Variants in ACAP1 observed in about 807,000 individuals in gnomAD.
ACAP1 encodes arf-GAP with coiled-coil, ANK repeat and PH domain-containing protein 1.
A neutral mutation model predicts 98.8 loss-of-function variants in ACAP1; 45 were observed. The ratio of observed to expected loss-of-function variants is 0.46; its 90% CI spans 0.36 to 0.58. The LOEUF (loss-of-function observed/expected upper bound fraction) is 0.58, where lower values mean the gene tolerates loss of function less well. ACAP1 is among the 20% of genes least tolerant of loss of function. The pLI is 0.00. For synonymous variants in ACAP1, 362 were observed against 375.3 expected, an observed-to-expected ratio of 0.96 and a Z score of 0.41; for missense variants, 735 against 971.4, an observed-to-expected ratio of 0.76 and a Z score of 3.24.
intron 1 of ACAP1, 26 bp from the exon 2 acceptor site, chr17:7,337,286 T>A: frequency 1.2e-6 from 2 of 1,613,176 alleles, no homozygotes; most frequent in Non-Finnish European, 1.7e-6. Flanking sequence ...ACCCAAGCTC[T>A]CTTCCCATGA....
intron 2 of ACAP1, among the ~76,000 whole-genome samples, chr17:7,339,116 C>T (rs1411491809): frequency 6.6e-6 from 1 of 150,762 alleles, no homozygotes; most frequent in Non-Finnish European, 1.5e-5. Flanking sequence ...CTGTGAAACC[C>T]CGTCTCTACT....
At position 7,336,646 on chromosome 17, in the gene ACAP1, C is replaced by T. The variant is rs1278733433; in HGVS notation, c.-89C>T. 2 of 1,411,848 alleles carry T rather than the reference C, an allele frequency of 1.4e-6. No homozygotes were observed. The highest frequency in any genetic ancestry group is 2.0e-6 in the Non-Finnish European group (2 of 999,110). 87.5% of individuals were successfully genotyped at this position (1,411,848 alleles called of 1,614,324 possible). A position where few individuals can be genotyped will look rare whatever the true frequency, so the allele number is the denominator to read the frequency against. The stretch of plus-strand genomic sequence containing the variant: ...GGTCCCTCTCCTCCTTCCCCCTCAT[C>T]TCCCCTTCCTGGGACAGAAAGTGCC... On this transcript the variant is annotated 5_prime_UTR_variant, in exon 1 of 22. Transcript: ENST00000158762.
chr17:7,349,128 C>T lies in ACAP1; in HGVS notation c.1812C>T (p.Gly604=). 1 of 1,613,970 alleles carries T rather than the reference C, an allele frequency of 6.2e-7. No individual in the cohort carries two copies. The highest frequency in any genetic ancestry group is 2.2e-5 in the East Asian group (1 of 44,866). Residue 604 remains glycine (G), a synonymous_variant, in exon 18 of 22, where the codon GGC becomes GGT. Coordinates refer to ENST00000158762, the MANE Select transcript of ACAP1 (RefSeq NM_014716.4). ...CTGATGTCAACTGGGTCAATGGGGG[C>T]CAAGATAATGCCACACCGCTGATCC... is the stretch of plus-strand genomic sequence containing the variant. ...HGADVNWVNG[G]QDNATPLIQA...
chr17:7,346,777 C>A (rs1278345627), intron 12 of ACAP1, 31 bp from the exon 13 acceptor site: 2 of 1,600,198 alleles, frequency 1.2e-6, no homozygotes, highest in Non-Finnish European at 8.5e-7. Context: ...GCCTCAGACC[C>A]CTCTGCCATC....
intron 2 of ACAP1, among the ~76,000 whole-genome samples, chr17:7,337,630 G>T (rs1424506060): frequency 1.3e-5 from 2 of 152,140 alleles, no homozygotes; most frequent in Admixed American, 6.5e-5. Flanking sequence ...AAGGTGAATG[G>T]ATCACCTGAG....
chr17:7,348,306 G>A lies in ACAP1; in HGVS notation c.1509G>A (p.Arg503=), dbSNP rs1206397890. 1 of 1,587,630 alleles carries A rather than the reference G, an allele frequency of 6.3e-7. No homozygotes were observed. Among genetic ancestry groups the A allele is most frequent in the Non-Finnish European group, 8.6e-7 (1 of 1,165,816 alleles). The change falls in exon 17 of 22, where the codon CGG becomes CGA. Residue 503 remains arginine, a splice_region_variant and synonymous_variant. Coordinates refer to ENST00000158762, the MANE Select transcript of ACAP1 (RefSeq NM_014716.4). ...ACTGCGTGCTTCTCCCCTCCCACAG[G>A]CAGGAGAAGGAGGCCTGGATTCACG... ...AVKKPGPSCS[R]QEKEAWIHAK...
intron 2 of ACAP1, among the ~76,000 whole-genome samples, chr17:7,338,260 T>A (rs1439716116): frequency 6.6e-6 from 1 of 151,994 alleles, no homozygotes; most frequent in African/African-American, 2.4e-5. Flanking sequence ...TTATTTTTAT[T>A]TTTATTTATT....
intron 1 of ACAP1, 44 bp from the exon 2 acceptor site, chr17:7,337,268 C>G (rs2073229649): frequency 6.3e-7 from 1 of 1,595,880 alleles, no homozygotes; most frequent in East Asian, 2.2e-5. Flanking sequence ...GGCAGACAGA[C>G]CAGATGGACC....
At position 7,338,343 on chromosome 17, in the gene ACAP1, T is replaced by G. The variant is rs564073656; in HGVS notation, c.111+974T>G. 2.7e-4 allele frequency among the ~76,000 whole-genome samples: 41 copies of G among 152,158 alleles called. 1 individual carries two copies. The South Asian group carries it at 8.5e-3, about 32-fold the overall frequency. ...ATCTCGGCTTACTGGAACCTCCACC[T>G]CCCAGGTTCAAGTGATTCTCCTACC... On this transcript the variant is annotated intron_variant, in intron 2 of 21. Transcript: ENST00000158762.
At chr17:7,339,767 T>C (rs2073257897) in intron 2 of ACAP1, among the ~76,000 whole-genome samples, 1 of 152,222 alleles carries the variant, frequency 6.6e-6, no homozygotes. Flanking sequence ...TATGGATTCC[T>C]TTAACCATCA....
Position 7,346,910 on chromosome 17 carries a change from C to T in ACAP1, c.1110C>T (p.Asp370=). The T allele has an allele frequency of 1.2e-6, 2 of 1,612,660 alleles. No homozygotes were observed. Among genetic ancestry groups the T allele is most frequent in the Non-Finnish European group, 8.5e-7 (1 of 1,178,856 alleles). Residue 370 remains aspartate (D), a synonymous_variant, in exon 13 of 22, where the codon GAC becomes GAT. Transcript: ENST00000158762. Reference sequence around the variant, plus strand: ...CCTTCAGTCAGGCTCGCCTTGATGACAGCCCCCGGGGTCCAGGCCAGGTAC... The same window carrying T: ...CCTTCAGTCAGGCTCGCCTTGATGATAGCCCCCGGGGTCCAGGCCAGGTAC... ...ASAFSQARLD[D]SPRGPGQGSG... is the part of the protein sequence containing the mutation.
intron 2 of ACAP1, among the ~76,000 whole-genome samples, chr17:7,337,591 T>C (rs1297707147): frequency 2.0e-5 from 3 of 152,170 alleles, no homozygotes. Context: ...TGGTAGCTCA[T>C]GCCTGTAATC....
chr17:7,337,222 G>T (rs994886986), intron 1 of ACAP1, 90 bp from the exon 2 acceptor site: 11 of 1,248,032 alleles, frequency 8.8e-6, no homozygotes, highest in Non-Finnish European at 1.2e-5. Context: ...TTTCTCCTCC[G>T]TACCCACCGC....
chr17:7,346,649 G>T (rs2073349359), intron 12 of ACAP1, 158 bp downstream of exon 12: 1 of 1,146,026 alleles, frequency 8.7e-7, no homozygotes. Flanking sequence ...AGGGTACAGG[G>T]TGATGGGGGA....
Position 7,346,943 on chromosome 17 carries a change from TG to T in ACAP1, c.1131+17del. The T allele has an allele frequency of 6.2e-7, 1 of 1,606,230 alleles. No individual in the cohort carries two copies. The highest frequency in any genetic ancestry group is 1.3e-5 in the African/African-American group (1 of 74,838). On this transcript the variant is annotated intron_variant, in intron 13 of 21. Coordinates refer to ENST00000158762, the MANE Select transcript of ACAP1 (RefSeq NM_014716.4). Reference sequence around the variant, plus strand: ...GGGGTCCAGGCCAGGTACCTTAACCTGGGGGTGCGGAGCCAGGCTGCCTGTG... The same window carrying T: ...GGGGTCCAGGCCAGGTACCTTAACCTGGGGTGCGGAGCCAGGCTGCCTGTG...
Position 7,343,590 on chromosome 17 carries a change from G to T in ACAP1, c.528+28G>T, listed in dbSNP as rs1179406378. 6.2e-7 allele frequency: 1 copy of T among 1,602,574 alleles called. No homozygotes were observed. Among genetic ancestry groups the T allele is most frequent in the Admixed American group, 1.7e-5 (1 of 59,382 alleles). On this transcript the variant is annotated intron_variant, in intron 6 of 21. Transcript: ENST00000158762. This position sits in a 1 kb window ranked among gnomAD's most constrained non-coding sequence, Gnocchi z 4.9. ...GCCTGCCCCAATCTGTCTTCCTGGG[G>T]TACCAGAGCCTCAAGTGTCACCTCG...
intron 2 of ACAP1, 58 bp from the exon 3 acceptor site, chr17:7,341,890 G>T: frequency 6.2e-7 from 1 of 1,604,134 alleles, no homozygotes; most frequent in Non-Finnish European, 8.5e-7. Context: ...CAGGTGTGGG[G>T]GCATCACCAG....
At chr17:7,347,740 TG>T in intron 14 of ACAP1, 181 bp from the exon 15 acceptor site, 2 of 606,716 alleles carry the variant, frequency 3.3e-6, no homozygotes, top group Non-Finnish European at 5.9e-6. Context: ...GGCAGAGTCC[TG>T]CCAGGGCCAG....
At position 7,348,474 on chromosome 17, in the gene ACAP1, A is replaced by G; in HGVS notation, c.1677A>G (p.Pro559=). ...RPRPGSLRSK[P]EPPSEDLGSL... is the part of the protein sequence containing the mutation. ...GGCCAGGGAGCTTGAGATCCAAGCC[A>G]GGTATAGGGTTGGTTGGGCATTCAT... is the stretch of plus-strand genomic sequence containing the variant. The change falls in exon 17 of 22, where the codon CCA becomes CCG. Residue 559 remains proline, a splice_region_variant and synonymous_variant. Transcript: ENST00000158762. The G allele has an allele frequency of 6.8e-7, 1 of 1,475,258 alleles. No individual in the cohort carries two copies. The allele number at this position is 1,475,258 out of a possible 1,614,324, so 91.4% of individuals were successfully genotyped here.
Sources: allele counts gnomAD v4.1 joint callset (sites outside exome capture counted in the v4.1 genomes callset), GRCh38; gene constraint gnomAD v4.1.1; non-coding constraint Gnocchi (gnomAD v3.1); transcripts MANE v1.5; gene names NCBI Gene and HGNC (gene_info 2026-07-23, HGNC 2026-07-21).